Variants in CHAT observed in about 807,000 individuals in gnomAD.
CHAT encodes acetyl CoA:choline O-acetyltransferase.
A neutral mutation model predicts 76.9 loss-of-function variants in CHAT; 61 were observed. The observed-to-expected ratio is 0.79, with a 90% CI of 0.65 to 0.98. CHAT has a LOEUF of 0.98. CHAT is among the 50% of genes least tolerant of loss of function. CHAT has a pLI of 0.00. For missense variants in CHAT, 946 were observed against 986.9 expected, an observed-to-expected ratio of 0.96 and a Z score of 0.56; for synonymous variants, 407 against 397.4, an observed-to-expected ratio of 1.02 and a Z score of -0.29.
chr10:49,639,007 G>T (rs921551964), intron 7 of CHAT, among the ~76,000 whole-genome samples: 4 of 152,094 alleles, frequency 2.6e-5, no homozygotes, highest in African/African-American at 9.7e-5. Context: ...AGGCTGAGGA[G>T]GGTGGATCGT....
chr10:49,655,707 A>G (rs1202943678), intron 13 of CHAT, among the ~76,000 whole-genome samples: 1 of 152,222 alleles, frequency 6.6e-6, no homozygotes, highest in African/African-American at 2.4e-5. Flanking sequence ...CATACTGACA[A>G]TAATAGCACC....
At chr10:49,629,720 G>A (rs1453666467) in intron 7 of CHAT, among the ~76,000 whole-genome samples, 1 of 152,220 alleles carries the variant, frequency 6.6e-6, no homozygotes, top group Non-Finnish European at 1.5e-5. Flanking sequence ...GCGACAGAAA[G>A]GAGGGGACAC....
At chr10:49,658,731 A>ATTGT (rs1840105816) in intron 13 of CHAT, among the ~76,000 whole-genome samples, 1 of 152,214 alleles carries the variant, frequency 6.6e-6, no homozygotes, top group Non-Finnish European at 1.5e-5. Flanking sequence ...AACAAACAAA[A>ATTGT]ACTTGAAATG....
chr10:49,657,304 G>C (rs951902657), intron 13 of CHAT, among the ~76,000 whole-genome samples: 1 of 152,140 alleles, frequency 6.6e-6, no homozygotes, highest in African/African-American at 2.4e-5. Flanking sequence ...GCTGAACACT[G>C]TGTACAGCCT....
intron 13 of CHAT, among the ~76,000 whole-genome samples, chr10:49,659,279 C>G (rs185306153): frequency 6.6e-6 from 1 of 152,050 alleles, no homozygotes; most frequent in African/African-American, 2.4e-5. Flanking sequence ...TATTTTTAGA[C>G]AGAGAAAGTC....
chr10:49,662,845 G>C, intron 14 of CHAT, 63 bp downstream of exon 14: 5 of 1,604,066 alleles, frequency 3.1e-6, no homozygotes, highest in Non-Finnish European at 4.3e-6. Context: ...AAAGAGCAGT[G>C]ACAACAAGCC....
At chr10:49,660,633 C>T (rs1300763873) in intron 13 of CHAT, among the ~76,000 whole-genome samples, 2 of 152,102 alleles carry the variant, frequency 1.3e-5, no homozygotes, top group South Asian at 2.1e-4. Context: ...ATGACCTAGG[C>T]TTTTGGTTTA....
chr10:49,610,373 G>C (rs1156781675), upstream of CHAT: 1 of 225,090 alleles, frequency 4.4e-6, no homozygotes, highest in Non-Finnish European at 8.7e-6. Context: ...GCGGGCGGGC[G>C]GCAACAGCAT....
chr10:49,625,395 A>C (rs1838880361), intron 5 of CHAT, 78 bp from the exon 6 acceptor site: 5 of 1,400,534 alleles, frequency 3.6e-6, no homozygotes, highest in Non-Finnish European at 5.0e-6. Context: ...ATCAAGTTAC[A>C]ATAAAACCCA....
chr10:49,663,765 ATGT>A (rs780340765), intron 14 of CHAT, among the ~76,000 whole-genome samples: 45 of 152,342 alleles, frequency 3.0e-4, no homozygotes, highest in South Asian at 1.5e-3. Flanking sequence ...CAGTAATGGG[ATGT>A]TGTCATTATG....
At position 49,620,572 on chromosome 10, in the gene CHAT, C is replaced by A. The variant is rs1280679259; in HGVS notation, c.657C>A (p.Ile219=). ...CTGTCAACTCCAGCCCTGCCGTGAT[C>A]TTTGCTCGGCAGCACTTCCCTGGCA... ...ALPVNSSPAV[I]FARQHFPGTD... is the part of the protein sequence containing the mutation. Residue 219 remains isoleucine (I), a synonymous_variant, in exon 4 of 15, where the codon ATC becomes ATA. Transcript: ENST00000337653. 2 of 1,613,674 alleles carry A rather than the reference C, an allele frequency of 1.2e-6. No individual in the cohort carries two copies. The highest frequency in any genetic ancestry group is 3.3e-5 in the Admixed American group (2 of 59,996).
intron 1 of CHAT, chr10:49,615,800 G>C (rs1838468346): frequency 1.8e-6 from 1 of 548,128 alleles, no homozygotes; most frequent in Non-Finnish European, 3.2e-6. Context: ...AGGGGCCCTG[G>C]CTGCCCAGCC....
intron 10 of CHAT, 83 bp downstream of exon 10, chr10:49,649,719 G>GTTTC: frequency 6.6e-7 from 1 of 1,511,010 alleles, no homozygotes; most frequent in South Asian, 1.1e-5. Flanking sequence ...CTCCCTGGAA[G>GTTTC]TTTCCAAAGA....
chr10:49,626,571 G>A (rs1438138312), intron 6 of CHAT, among the ~76,000 whole-genome samples: 1 of 152,078 alleles, frequency 6.6e-6, no homozygotes, highest in Admixed American at 6.5e-5. Context: ...AGCTCTCGCA[G>A]CCCACCTGAC....
upstream of CHAT, among the ~76,000 whole-genome samples, chr10:49,609,439 G>A (rs909874760): frequency 2.6e-5 from 4 of 152,034 alleles, no homozygotes; most frequent in African/African-American, 9.7e-5. Flanking sequence ...AGAGTGCCTG[G>A]GAGGAGTTAG....
chr10:49,643,965 T>C (rs1177235516), intron 7 of CHAT, among the ~76,000 whole-genome samples: 2 of 152,050 alleles, frequency 1.3e-5, no homozygotes, highest in South Asian at 2.1e-4. Context: ...GGGAATGGCA[T>C]TGGGGTCATG....
chr10:49,612,042 C>T (rs748705960), upstream of CHAT: 4 of 1,613,768 alleles, frequency 2.5e-6, no homozygotes, highest in South Asian at 4.4e-5. Context: ...CCTACGCGCT[C>T]GGGCCCATAG....
rs1420387236 is a variant in CHAT at position 49,649,947 on chromosome 10, G to GC, written c.1511+311_1511+312insC. 1.8e-4 allele frequency among the ~76,000 whole-genome samples: 11 copies of GC among 59,714 alleles called. No homozygotes were observed. In the South Asian group the frequency reaches 3.6e-3, roughly 20 times the overall value. 39.2% of individuals were successfully genotyped at this position (59,714 alleles called of 152,430 possible). ...GGCCGGGAAATCATCCCCTGCTTTA[G>GC]GGGGAGTAATAAACAACTGGTTTGA... is the stretch of plus-strand genomic sequence containing the variant. On this transcript the variant is annotated intron_variant, in intron 10 of 14. Coordinates refer to ENST00000337653, the MANE Select transcript of CHAT (RefSeq NM_020549.5).
intron 7 of CHAT, among the ~76,000 whole-genome samples, chr10:49,632,285 T>C (rs1410545006): frequency 1.3e-5 from 2 of 152,258 alleles, no homozygotes; most frequent in East Asian, 1.9e-4. Flanking sequence ...GTGTGAGGAC[T>C]GCATGCGCGT....
Sources: allele counts gnomAD v4.1 joint callset (sites outside exome capture counted in the v4.1 genomes callset), GRCh38; gene constraint gnomAD v4.1.1; transcripts MANE v1.5; gene names NCBI Gene and HGNC (gene_info 2026-07-23, HGNC 2026-07-21).